The following ASIC2 variants were observed in gnomAD, a reference collection of about 807,000 sequenced individuals.
ASIC2 encodes acid-sensing ion channel 2.
A neutral mutation model predicts 57.3 loss-of-function variants in ASIC2; 25 were observed. The ratio of observed to expected loss-of-function variants is 0.44; its 90% CI spans 0.32 to 0.61. The LOEUF is 0.61. ASIC2 is among the 20% of genes least tolerant of loss of function. The pLI is 0.06. For synonymous variants in ASIC2, 319 were observed against 307.5 expected, an observed-to-expected ratio of 1.04 and a Z score of -0.39; for missense variants, 641 against 738.1, an observed-to-expected ratio of 0.87 and a Z score of 1.52.
intron 1 of ASIC2, among the ~76,000 whole-genome samples, chr17:33,838,953 A>G (rs1405383659): frequency 1.3e-5 from 2 of 152,346 alleles, no homozygotes; most frequent in East Asian, 3.9e-4. Context: ...GGATATTTCC[A>G]GTCTAATTTT....
At chr17:33,465,193 G>T (rs951343875) in intron 1 of ASIC2, among the ~76,000 whole-genome samples, 1 of 151,972 alleles carries the variant, frequency 6.6e-6, no homozygotes, top group Non-Finnish European at 1.5e-5. Context: ...GGAGCTTAAG[G>T]GATTGTTAGA....
chr17:33,725,497 G>T (rs1368574108), intron 1 of ASIC2, among the ~76,000 whole-genome samples: 2 of 152,094 alleles, frequency 1.3e-5, no homozygotes, highest in Non-Finnish European at 2.9e-5. Flanking sequence ...GGTTAAGTAT[G>T]GTCTTTCAGA....
intron 1 of ASIC2, among the ~76,000 whole-genome samples, chr17:33,191,135 G>T (rs1191278330): frequency 6.6e-6 from 1 of 152,138 alleles, no homozygotes; most frequent in Non-Finnish European, 1.5e-5. Flanking sequence ...ATAGAAATAT[G>T]TCTCAGCAAT....
intron 1 of ASIC2, among the ~76,000 whole-genome samples, chr17:34,073,245 T>G (rs1342770130): frequency 1.3e-5 from 2 of 152,172 alleles, no homozygotes; most frequent in Non-Finnish European, 2.9e-5. Flanking sequence ...GCCCACCCTA[T>G]TGAAATCACC....
chr17:34,038,274 G>A (rs1597987470), intron 1 of ASIC2: 1 of 1,610,398 alleles, frequency 6.2e-7, no homozygotes, highest in East Asian at 2.2e-5. Context: ...TGCTGTTTCA[G>A]GTAGAAGTCC....
chr17:33,715,653 A>G (rs1909194304), intron 1 of ASIC2, among the ~76,000 whole-genome samples: 1 of 152,186 alleles, frequency 6.6e-6, no homozygotes, highest in Non-Finnish European at 1.5e-5. Flanking sequence ...TCTGGTTTAC[A>G]TGAAGGCTGT....
intron 1 of ASIC2, among the ~76,000 whole-genome samples, chr17:33,348,365 AG>A (rs1282441973): frequency 6.6e-6 from 1 of 152,134 alleles, no homozygotes; most frequent in Non-Finnish European, 1.5e-5. Context: ...ATATATGGTT[AG>A]GAGGCCACAA....
intron 1 of ASIC2, among the ~76,000 whole-genome samples, chr17:33,550,042 C>T (rs540691416): frequency 2.6e-5 from 4 of 152,170 alleles, no homozygotes; most frequent in Admixed American, 6.5e-5. Flanking sequence ...AGAGCAACTC[C>T]TTATCCGAGC....
At chr17:33,054,016 C>T (rs2091988117) in intron 3 of ASIC2, among the ~76,000 whole-genome samples, 1 of 152,118 alleles carries the variant, frequency 6.6e-6, no homozygotes. Flanking sequence ...CAATGCCGCA[C>T]CTACCTTTGC....
At chr17:33,521,072 G>T (rs929906397) in intron 1 of ASIC2, among the ~76,000 whole-genome samples, 1 of 152,092 alleles carries the variant, frequency 6.6e-6, no homozygotes, top group Non-Finnish European at 1.5e-5. Flanking sequence ...AGGCAGGCAG[G>T]AATTCTACAG....
At chr17:33,488,414 A>AG (rs1471672550) in intron 1 of ASIC2, among the ~76,000 whole-genome samples, 1 of 152,234 alleles carries the variant, frequency 6.6e-6, no homozygotes, top group South Asian at 2.1e-4. Flanking sequence ...CTTTATTATT[A>AG]GCATTCACAT....
chr17:33,236,333 GTC>G, intron 1 of ASIC2, among the ~76,000 whole-genome samples: 1 of 151,702 alleles, frequency 6.6e-6, no homozygotes, highest in Non-Finnish European at 1.5e-5. Flanking sequence ...TAAAATTAGG[GTC>G]TCTCTCTTTT....
intron 1 of ASIC2, among the ~76,000 whole-genome samples, chr17:33,324,710 T>C (rs528440069): frequency 2.0e-5 from 3 of 152,260 alleles, no homozygotes; most frequent in African/African-American, 7.2e-5. Flanking sequence ...CTTCTCCCCA[T>C]TAAGAGAGGA....
chr17:33,422,893 G>A (rs1040528932), intron 1 of ASIC2, among the ~76,000 whole-genome samples: 1 of 152,156 alleles, frequency 6.6e-6, no homozygotes, highest in South Asian at 2.1e-4. Flanking sequence ...GGTAGGAACT[G>A]AGACTAAAGG....
At chr17:33,552,545 T>C (rs959065619) in intron 1 of ASIC2, among the ~76,000 whole-genome samples, 1 of 152,224 alleles carries the variant, frequency 6.6e-6, no homozygotes, top group African/African-American at 2.4e-5. Flanking sequence ...TCTTGCACTT[T>C]CTGACATGAC....
At chr17:33,615,859 C>A (rs1401669737) in intron 1 of ASIC2, among the ~76,000 whole-genome samples, 1 of 152,210 alleles carries the variant, frequency 6.6e-6, no homozygotes, top group Non-Finnish European at 1.5e-5. Flanking sequence ...GCCACATCCC[C>A]CATCCTCTTA....
intron 1 of ASIC2, among the ~76,000 whole-genome samples, chr17:34,019,224 C>T (rs1266978704): frequency 1.3e-5 from 2 of 151,996 alleles, no homozygotes; most frequent in Non-Finnish European, 2.9e-5. Context: ...ATTCTTGAGA[C>T]AGAATCTACT....
chr17:33,077,901 T>G (rs1410384656), intron 3 of ASIC2, among the ~76,000 whole-genome samples: 1 of 152,198 alleles, frequency 6.6e-6, no homozygotes, highest in Non-Finnish European at 1.5e-5. Flanking sequence ...TGTTGGTGAT[T>G]CTTTAAACTT....
chr17:33,221,732 T>C (rs1031769053), intron 1 of ASIC2, among the ~76,000 whole-genome samples: 2 of 152,232 alleles, frequency 1.3e-5, no homozygotes, highest in African/African-American at 4.8e-5. Flanking sequence ...AATATGTTTA[T>C]TGTACAGGAA....
Sources: allele counts gnomAD v4.1 joint callset (sites outside exome capture counted in the v4.1 genomes callset), GRCh38; gene constraint gnomAD v4.1.1; transcripts MANE v1.5; gene names NCBI Gene and HGNC (gene_info 2026-07-23, HGNC 2026-07-21).